Variants in MTOR observed in about 807,000 individuals in gnomAD.
The protein encoded by MTOR is mechanistic target of rapamycin kinase, also known as serine/threonine-protein kinase mTOR.
MTOR carries 70 observed loss-of-function variants against 319.8 expected under a neutral mutation model. The observed-to-expected ratio is 0.22, with a 90% confidence interval of 0.18 to 0.27. MTOR has a LOEUF of 0.27. Ranked by LOEUF, MTOR falls within the 10% of genes least tolerant of loss-of-function variation. The probability of loss-of-function intolerance (pLI) is 1.00; values close to 1 mark genes in which losing one functional copy is unlikely to be tolerated. For missense variants in MTOR, 1,890 were observed against 3,274.4 expected, an observed-to-expected ratio of 0.58 and a Z score of 10.32; for synonymous variants, 1,183 against 1,211.4, an observed-to-expected ratio of 0.98 and a Z score of 0.49.
rs369088781 is a variant in MTOR, at chr1:11,130,648, C to A, written c.5494G>T (p.Ala1832Ser). ...GANITNATTAATTAATATTTA... is the reference protein window; with the variant it reads ...GANITNATTASTTAATATTTA... ...GTGGTGGCAGTGGCGGCCGTGGTGG[C>A]GGCAGTGGTGGCGTTGGTGATGTTG... Residue 1832 changes from alanine to serine, a missense_variant, in exon 39 of 58, where the codon GCC becomes TCC. Ala to Ser is a moderately conservative substitution (Grantham distance 99). This residue lies in a region of MTOR where 91 missense variants were observed against 90.4 expected (regional missense o/e 1.01). Coordinates refer to ENST00000361445, the MANE Select transcript of MTOR (RefSeq NM_004958.4). 1.2e-6 allele frequency: 2 copies of A among 1,611,380 alleles called. No homozygotes were observed. Among genetic ancestry groups the A allele is most frequent in the South Asian group, 1.1e-5 (1 of 90,838 alleles).
chr1:11,190,653 C>G (rs1162477700), intron 28 of MTOR, among the ~76,000 whole-genome samples: 2 of 152,156 alleles, frequency 1.3e-5, no homozygotes, highest in African/African-American at 4.8e-5. Context: ...TAAATTTAAT[C>G]TTTCTTTTGC....
At chr1:11,253,665 A>G (rs556993106) in intron 6 of MTOR, among the ~76,000 whole-genome samples, 174 bp downstream of exon 6, 2 of 152,040 alleles carry the variant, frequency 1.3e-5, no homozygotes, top group East Asian at 3.9e-4. Flanking sequence ...TCTCTATTCT[A>G]TTCTGGTTTG....
At chr1:11,204,031 T>C (rs190808111) in intron 26 of MTOR, among the ~76,000 whole-genome samples, 285 of 152,214 alleles carry the variant, frequency 1.9e-3, no homozygotes, top group African/African-American at 6.3e-3. Flanking sequence ...CAGAGCTGGG[T>C]TCCTAGTCGA....
intron 28 of MTOR, among the ~76,000 whole-genome samples, chr1:11,175,503 A>C (rs1400949429): frequency 6.6e-6 from 1 of 152,202 alleles, no homozygotes; most frequent in Non-Finnish European, 1.5e-5. Flanking sequence ...ACTAATACTA[A>C]GAAATTGCCT....
At position 11,212,243 on chromosome 1, in the gene MTOR, G is replaced by T; in HGVS notation, c.3561+69C>A. On this transcript the variant is annotated intron_variant, in intron 23 of 57. Coordinates refer to ENST00000361445, the MANE Select transcript of MTOR (RefSeq NM_004958.4). The surrounding 1 kb of genome is among the most constrained non-coding windows in gnomAD (Gnocchi z 4.1). ...GGCTGGCATCAGACAAAGTCTGAGTGGCTCACAGACAAAGTCTTCTTTCCA... is the reference window on the plus strand; with the variant it reads ...GGCTGGCATCAGACAAAGTCTGAGTTGCTCACAGACAAAGTCTTCTTTCCA... 1 of 1,525,394 alleles carries T rather than the reference G, an allele frequency of 6.6e-7. No individual in the cohort carries two copies. Among genetic ancestry groups the T allele is most frequent in the South Asian group, 1.3e-5 (1 of 77,374 alleles). The allele number at this position is 1,525,394 out of a possible 1,614,324, so 94.5% of individuals were successfully genotyped here.
At chr1:11,244,607 G>A (rs947221339) in intron 8 of MTOR, among the ~76,000 whole-genome samples, 2 of 152,134 alleles carry the variant, frequency 1.3e-5, no homozygotes, top group Non-Finnish European at 2.9e-5. Flanking sequence ...CTCCAGCCTG[G>A]GCAACAGAGC....
rs1262513163 is a variant in MTOR at position 11,144,791 on chromosome 1, G to A, written c.4765-36C>T. ...CAAATCGCATTCCAAACTAATTACT[G>A]CACGAACAATCCAAAAGACAGGATT... On this transcript the variant is annotated intron_variant, in intron 33 of 57. Coordinates refer to ENST00000361445, the MANE Select transcript of MTOR (RefSeq NM_004958.4). The A allele has an allele frequency of 6.9e-6, 11 of 1,585,326 alleles. 1 individual carries two copies. Among genetic ancestry groups the A allele is most frequent in the Admixed American group, 5.0e-5 (3 of 59,916 alleles).
chr1:11,117,047 C>G lies in MTOR; in HGVS notation c.6973G>C (p.Ala2325Pro). Residue 2325 changes from alanine (A) to proline (P), a missense_variant, in exon 50 of 58, where the codon GCG (alanine) becomes CCG (proline). Transcript: ENST00000361445. The part of the protein sequence containing the change: ...DRRTNYTRSL[A>P]VMSMVGYILG... Reference sequence around the variant, plus strand: ...ATATACCCAACCATTGACATGACCGCTAAAGAACGGGTATAATTGGTTCTT... The same window carrying G: ...ATATACCCAACCATTGACATGACCGGTAAAGAACGGGTATAATTGGTTCTT... 6.2e-7 allele frequency: 1 copy of G among 1,613,450 alleles called. No homozygotes were observed. The highest frequency in any genetic ancestry group is 8.5e-7 in the Non-Finnish European group (1 of 1,179,890).
intron 28 of MTOR, among the ~76,000 whole-genome samples, chr1:11,196,534 AAC>A (rs1279401589): frequency 1.3e-5 from 2 of 152,210 alleles, no homozygotes; most frequent in Non-Finnish European, 2.9e-5. Context: ...CTGTCAACAG[AAC>A]ACAGTTTTTT....
chr1:11,192,398 C>A, intron 28 of MTOR: 1 of 1,531,554 alleles, frequency 6.5e-7, no homozygotes, highest in Non-Finnish European at 9.0e-7. Flanking sequence ...ACTGGCCATG[C>A]CCTAATACCT....
At chr1:11,158,556 C>A (rs950951740) in intron 29 of MTOR, among the ~76,000 whole-genome samples, 1 of 152,074 alleles carries the variant, frequency 6.6e-6, no homozygotes. Flanking sequence ...GCGTATCTGG[C>A]TCCACGTAAG....
intron 50 of MTOR, among the ~76,000 whole-genome samples, chr1:11,116,518 C>T (rs1570912287): frequency 6.6e-6 from 1 of 152,144 alleles, no homozygotes. Context: ...CTATGCTGCC[C>T]AGGCTGGTCT....
At chr1:11,218,471 A>T (rs1399194958) in intron 19 of MTOR, among the ~76,000 whole-genome samples, 1 of 152,044 alleles carries the variant, frequency 6.6e-6, no homozygotes, top group East Asian at 1.9e-4. Context: ...GGAAAATGAG[A>T]CTAAATATAA....
At chr1:11,126,055 A>G (rs1233364939) in intron 46 of MTOR, among the ~76,000 whole-genome samples, 2 of 150,504 alleles carry the variant, frequency 1.3e-5, no homozygotes, top group East Asian at 1.9e-4. Flanking sequence ...AAAAAAAAAA[A>G]AAAAAAAAAA....
chr1:11,204,789 T>C, intron 25 of MTOR, 86 bp from the exon 26 acceptor site: 1 of 1,392,116 alleles, frequency 7.2e-7, no homozygotes, highest in African/African-American at 1.5e-5. Context: ...ATTATTCTAC[T>C]TTTAGATTTA....
At chr1:11,235,149 G>A (rs1425823182) in intron 13 of MTOR, among the ~76,000 whole-genome samples, 2 of 152,206 alleles carry the variant, frequency 1.3e-5, no homozygotes, top group East Asian at 3.8e-4. Context: ...GAATAGACCT[G>A]CAGCACCAAG....
chr1:11,134,575 T>A, intron 36 of MTOR, 109 bp from the exon 37 acceptor site: 3 of 825,708 alleles, frequency 3.6e-6, no homozygotes, highest in Non-Finnish European at 6.1e-6. Flanking sequence ...CCAAACAGAA[T>A]ACCCTAGAGC....
At chr1:11,112,584 GC>G (rs1641944241) in intron 54 of MTOR, among the ~76,000 whole-genome samples, 1 of 152,196 alleles carries the variant, frequency 6.6e-6, no homozygotes, top group African/African-American at 2.4e-5. Flanking sequence ...ATGTTCAGTA[GC>G]CATTACCACT....
At chr1:11,189,983 G>A (rs190991350) in intron 28 of MTOR, 137 of 1,575,626 alleles carry the variant, frequency 8.7e-5, no homozygotes, top group East Asian at 6.0e-4. Flanking sequence ...CTGAGGGAGC[G>A]TGGAGTGCCT....
Sources: gnomAD v4.1 joint callset for allele counts (sites outside exome capture counted in the v4.1 genomes callset) on GRCh38, gnomAD v4.1.1 for gene constraint, gnomAD v4.1.1 regional missense constraint, Gnocchi (gnomAD v3.1) non-coding constraint, MANE v1.5 for transcripts, NCBI Gene and HGNC (gene_info 2026-07-23, HGNC 2026-07-21) for gene names.